The following RBBP8NL variants were observed in gnomAD, a reference collection of about 807,000 sequenced individuals.
The protein encoded by RBBP8NL is RBBP8 N-terminal like.
RBBP8NL carries 59 observed loss-of-function variants against 62.2 expected under a neutral mutation model. That is an observed-to-expected ratio of 0.95 (90% confidence interval 0.77 to 1.18). RBBP8NL has a LOEUF of 1.18. RBBP8NL is among the 50% of genes most tolerant of loss of function. The pLI is 0.00. For missense variants in RBBP8NL, 896 were observed against 899.5 expected, an observed-to-expected ratio of 1.00 and a Z score of 0.05; for synonymous variants, 412 against 394.1, an observed-to-expected ratio of 1.05 and a Z score of -0.54.
At chr20:62,423,778 G>C (rs1165286129) in intron 1 of RBBP8NL, among the ~76,000 whole-genome samples, 1 of 152,204 alleles carries the variant, frequency 6.6e-6, no homozygotes, top group Non-Finnish European at 1.5e-5. Flanking sequence ...GAGAGCTCCG[G>C]GGAAGGGATG....
rs1293759895 is a variant in RBBP8NL, at chr20:62,413,966, T to G, written c.1385A>C (p.His462Pro). Reference sequence around the variant, plus strand: ...GGCAGCGGCAGGGCTGAGTGACCCATGCTGGCCGGCCGGCTTGGGAGTGTC... The same window carrying G: ...GGCAGCGGCAGGGCTGAGTGACCCAGGCTGGCCGGCCGGCTTGGGAGTGTC... ...GQDTPKPAGQHGSLSPAAAHT... is the reference protein window; with the variant it reads ...GQDTPKPAGQPGSLSPAAAHT... Residue 462 changes from histidine to proline, a missense_variant, in exon 10 of 14, where the codon CAT (histidine) becomes CCT (proline). Transcript: ENST00000252998. 6.3e-7 allele frequency: 1 copy of G among 1,576,880 alleles called. No individual in the cohort carries two copies.
intron 1 of RBBP8NL, among the ~76,000 whole-genome samples, chr20:62,423,018 G>A (rs1161158554): frequency 6.6e-6 from 1 of 152,092 alleles, no homozygotes; most frequent in Non-Finnish European, 1.5e-5. Context: ...GAGACTTGGG[G>A]CTTTCCTGGT....
At position 62,413,946 on chromosome 20, in the gene RBBP8NL, C is replaced by T. The variant is rs779708200; in HGVS notation, c.1405G>A (p.Ala469Thr). The stretch of plus-strand genomic sequence containing the variant: ...GGCTCGGGGCTGGCAGTGTGGGCAG[C>T]GGCAGGGCTGAGTGACCCATGCTGG... Reference protein sequence around the residue: ...AGQHGSLSPAAAHTASPEPPT... With the variant: ...AGQHGSLSPATAHTASPEPPT... Residue 469 changes from alanine (A) to threonine (T), a missense_variant, in exon 10 of 14, where the codon GCT (alanine) becomes ACT (threonine). Ala to Thr is a moderately conservative substitution (Grantham distance 58). Transcript: ENST00000252998. 29 of 1,583,770 alleles carry T rather than the reference C, an allele frequency of 1.8e-5. No homozygotes were observed. Among genetic ancestry groups the T allele is most frequent in the East Asian group, 2.3e-5 (1 of 43,236 alleles).
Position 62,413,526 on chromosome 20 carries a change from G to T in RBBP8NL, c.1550C>A (p.Pro517Gln). The change falls in exon 11 of 14, where the codon CCA becomes CAA. Residue 517 changes from proline to glutamine, a missense_variant. By Grantham distance (76) the Pro-to-Gln change is moderately conservative. Transcript: ENST00000252998. ...AGAGGACAGGCTGAGCTGGGACCCT[G>T]GAAGTGGGCGTGAGGGGTCCTGGGG... Reference protein sequence around the residue: ...STPMDPSRPLPGSQLSLSSPG... With the variant: ...STPMDPSRPLQGSQLSLSSPG... The T allele has an allele frequency of 6.6e-7, 1 of 1,524,564 alleles. No homozygotes were observed. 94.4% of individuals were successfully genotyped at this position (1,524,564 alleles called of 1,614,324 possible). A position where few individuals can be genotyped will look rare whatever the true frequency, so the allele number is the denominator to read the frequency against.
chr20:62,422,243 A>G (rs1217835113), intron 1 of RBBP8NL, among the ~76,000 whole-genome samples: 1 of 152,180 alleles, frequency 6.6e-6, no homozygotes, highest in Non-Finnish European at 1.5e-5. Flanking sequence ...GTCAGCCTGG[A>G]GACGCCCACG....
rs1988479575 is a variant in RBBP8NL, at chr20:62,413,395, CTG to C, written c.1675+4_1675+5del. The C allele has an allele frequency of 1.4e-6, 2 of 1,431,204 alleles. No individual in the cohort carries two copies. Among genetic ancestry groups the C allele is most frequent in the African/African-American group, 1.5e-5 (1 of 68,574 alleles). The allele number at this position is 1,431,204 out of a possible 1,614,324, so 88.7% of individuals were successfully genotyped here. ...GCTGGACTCTGACCCCAGGTGCTGACTGTACCTGGGTGGCCGTCCAGGTCAGG... is the reference window on the plus strand; with the variant it reads ...GCTGGACTCTGACCCCAGGTGCTGACTACCTGGGTGGCCGTCCAGGTCAGG... On this transcript the variant is annotated splice_donor_5th_base_variant and intron_variant, in intron 11 of 13. Coordinates refer to ENST00000252998, the MANE Select transcript of RBBP8NL (RefSeq NM_080833.3).
At chr20:62,420,377 C>T (rs79400419) in intron 1 of RBBP8NL, among the ~76,000 whole-genome samples, 410 of 148,776 alleles carry the variant, frequency 2.8e-3, no homozygotes, top group African/African-American at 8.8e-3. Context: ...CACACACACA[C>T]ACACACACAC....
intron 8 of RBBP8NL, 113 bp downstream of exon 8, chr20:62,415,465 C>T (rs1272345794): frequency 2.9e-6 from 4 of 1,396,200 alleles, no homozygotes; most frequent in Non-Finnish European, 4.0e-6. Flanking sequence ...AAAGGAGGGG[C>T]ACATTCAGGG....
Position 62,414,576 on chromosome 20 carries a change from G to A in RBBP8NL, c.795-20C>T, listed in dbSNP as rs549466857. On this transcript the variant is annotated intron_variant, in intron 9 of 13. Coordinates refer to ENST00000252998, the MANE Select transcript of RBBP8NL (RefSeq NM_080833.3). ...AGGAAGCTGTGAGGGAGGAGAAGCCGAATGACCATGGCTGTGTGGAGCCGT... is the reference window on the plus strand; with the variant it reads ...AGGAAGCTGTGAGGGAGGAGAAGCCAAATGACCATGGCTGTGTGGAGCCGT... 51 of 1,420,852 alleles carry A rather than the reference G, an allele frequency of 3.6e-5. No homozygotes were observed. In the African/African-American group the frequency reaches 3.6e-4, roughly 10 times the overall value. 88.0% of individuals were successfully genotyped at this position (1,420,852 alleles called of 1,614,324 possible). A position where few individuals can be genotyped will look rare whatever the true frequency, so the allele number is the denominator to read the frequency against.
At chr20:62,417,176 T>G in intron 4 of RBBP8NL, 48 bp downstream of exon 4, 10 of 1,438,574 alleles carry the variant, frequency 7.0e-6, no homozygotes, top group Non-Finnish European at 8.6e-6. Context: ...CCTCCTCTCC[T>G]GAGCCCACCG....
chr20:62,415,982 G>A (rs1482994531), intron 6 of RBBP8NL, 37 bp from the exon 7 acceptor site: 4 of 1,497,388 alleles, frequency 2.7e-6, no homozygotes, highest in Non-Finnish European at 3.6e-6. Context: ...GTGAGGGAGA[G>A]CAGCATCTCG....
rs1988590656 is a variant in RBBP8NL, at chr20:62,417,290, G to C, written c.134C>G (p.Ser45Cys). 6.2e-7 allele frequency: 1 copy of C among 1,604,466 alleles called. No individual in the cohort carries two copies. Among genetic ancestry groups the C allele is most frequent in the Middle Eastern group, 1.7e-4 (1 of 5,844 alleles). The change falls in exon 4 of 14, where the codon TCC becomes TGC. Residue 45 changes from serine to cysteine, a missense_variant. Coordinates refer to ENST00000252998, the MANE Select transcript of RBBP8NL (RefSeq NM_080833.3). ...CTGTTCCCGGAGCTGGTGGTTCTTG[G>C]AGAAGAGCTCCTCGATCCTCTGGGC... ...RDAQRIEELF[S>C]KNHQLREQQK... is the part of the protein sequence containing the mutation.
At chr20:62,423,441 G>T (rs939924206) in intron 1 of RBBP8NL, among the ~76,000 whole-genome samples, 2 of 152,166 alleles carry the variant, frequency 1.3e-5, no homozygotes, top group Non-Finnish European at 2.9e-5. Flanking sequence ...CAGAGCCGGG[G>T]CCTCCCTGGG....
At chr20:62,418,785 G>T (rs989999907) in intron 2 of RBBP8NL, among the ~76,000 whole-genome samples, 2 of 151,218 alleles carry the variant, frequency 1.3e-5, no homozygotes, top group Admixed American at 6.6e-5. Flanking sequence ...GGGCCATTTT[G>T]TGTGTGTGTG....
chr20:62,412,695 C>T lies in RBBP8NL; in HGVS notation c.1805G>A (p.Cys602Tyr). The change falls in exon 13 of 14, where the codon TGC becomes TAC. Residue 602 changes from cysteine (C) to tyrosine (Y), a missense_variant. By Grantham distance (194) the Cys-to-Tyr change is radical. Coordinates refer to ENST00000252998, the MANE Select transcript of RBBP8NL (RefSeq NM_080833.3). The stretch of plus-strand genomic sequence containing the variant: ...CTGCCCGTGCTCCTGGGTGCAGATG[C>T]ACTCAGGCCCCTCCCCGGTCGTGCT... ...TTSTTGEGPE[C>Y]ICTQEHGQGP... is the part of the protein sequence containing the mutation. The T allele has an allele frequency of 6.2e-7, 1 of 1,609,632 alleles. No homozygotes were observed. Among genetic ancestry groups the T allele is most frequent in the South Asian group, 1.1e-5 (1 of 91,088 alleles).
chr20:62,417,193 G>T, intron 4 of RBBP8NL, 31 bp downstream of exon 4: 2 of 1,530,940 alleles, frequency 1.3e-6, no homozygotes, highest in Admixed American at 1.9e-5. Context: ...ACCGGTCCTG[G>T]CCATGCTGCG....
chr20:62,418,086 C>T (rs1187042683), intron 3 of RBBP8NL, among the ~76,000 whole-genome samples: 2 of 152,230 alleles, frequency 1.3e-5, no homozygotes, highest in East Asian at 1.9e-4. Flanking sequence ...TAAGCCAGAA[C>T]GCAGGGAGCC....
In RBBP8NL at chr20:62,415,828, C is replaced by T. The variant is rs1385644457; in HGVS notation, c.504G>A (p.Glu168=). 3 of 1,612,450 alleles carry T rather than the reference C, an allele frequency of 1.9e-6. No homozygotes were observed. The highest frequency in any genetic ancestry group is 2.7e-5 in the African/African-American group (2 of 74,936). Residue 168 remains glutamate (E), a synonymous_variant, in exon 7 of 14, where the codon GAG becomes GAA. Coordinates refer to ENST00000252998, the MANE Select transcript of RBBP8NL (RefSeq NM_080833.3). ...ITEKPPGGHE[E]AEEDHQGVGL... is the part of the protein sequence containing the mutation. ...CCACGCCCTGGTGGTCTTCCTCAGC[C>T]TCCTCGTGGCCTCCCGGTGGCTTCT...
In RBBP8NL at chr20:62,415,892, A is replaced by G. The variant is rs1207884075; in HGVS notation, c.440T>C (p.Leu147Pro). 5 of 1,600,094 alleles carry G rather than the reference A, an allele frequency of 3.1e-6. No homozygotes were observed. Among genetic ancestry groups the G allele is most frequent in the Non-Finnish European group, 4.3e-6 (5 of 1,175,112 alleles). Residue 147 changes from leucine (L) to proline (P), a missense_variant, in exon 7 of 14, where the codon CTG becomes CCG. Coordinates refer to ENST00000252998, the MANE Select transcript of RBBP8NL (RefSeq NM_080833.3). ...CCAGCCACCAGGGGAGGGGAGCAGC[A>G]GGGGTGAGGGGGGGTCCGAGGTGCC... ...KEGTSDPPSPLLLPSPGGWKA... is the reference protein window; with the variant it reads ...KEGTSDPPSPPLLPSPGGWKA...
Sources: allele counts gnomAD v4.1 joint callset (sites outside exome capture counted in the v4.1 genomes callset), GRCh38; gene constraint gnomAD v4.1.1; transcripts MANE v1.5; gene names NCBI Gene and HGNC (gene_info 2026-07-23, HGNC 2026-07-21).